METTL15: variants seen among roughly 807,000 people sequenced by gnomAD.
METTL15 encodes the protein 12S rRNA N(4)-cytidine methyltransferase METTL15.
METTL15 carries 34 observed loss-of-function variants against 38.3 expected under a neutral mutation model. The ratio of observed to expected loss-of-function variants is 0.89; its 90% CI spans 0.68 to 1.18. The LOEUF (loss-of-function observed/expected upper bound fraction) is 1.18, where lower values mean the gene tolerates loss of function less well. METTL15 is among the 50% of genes most tolerant of loss of function. METTL15 has a pLI of 0.00. For missense variants in METTL15, 438 were observed against 498.4 expected (o/e 0.88, Z 1.15); for synonymous variants, 162 against 170.9 (o/e 0.95, Z 0.41).
intron 6 of METTL15, among the ~76,000 whole-genome samples, chr11:28,427,836 G>C (rs796684290): frequency 1.3e-5 from 2 of 152,268 alleles, no homozygotes; most frequent in African/African-American, 4.8e-5. Flanking sequence ...CTTTTGGGCT[G>C]AGAGGATGGG....
intron 4 of METTL15, among the ~76,000 whole-genome samples, chr11:28,278,773 T>C (rs1855937503): frequency 6.6e-6 from 1 of 152,162 alleles, no homozygotes; most frequent in African/African-American, 2.4e-5. Flanking sequence ...TTTGTACATA[T>C]TTTGTTAATA....
intron 3 of METTL15, among the ~76,000 whole-genome samples, chr11:28,147,833 A>G (rs905674908): frequency 9.9e-5 from 15 of 151,906 alleles, no homozygotes; most frequent in African/African-American, 2.4e-5. Context: ...ATTTGATCAT[A>G]TATTTCCTCC....
chr11:28,369,011 G>A (rs1850217196), intron 5 of METTL15, among the ~76,000 whole-genome samples: 1 of 151,998 alleles, frequency 6.6e-6, no homozygotes, highest in African/African-American at 2.4e-5. Context: ...AGAGGGTGGG[G>A]AGCTAGGGGA....
chr11:28,500,888 C>T (rs1334830485), intron 6 of METTL15, among the ~76,000 whole-genome samples: 2 of 152,054 alleles, frequency 1.3e-5, no homozygotes, highest in Non-Finnish European at 2.9e-5. Flanking sequence ...CTCAGTAAGC[C>T]CAAGTGCTAT....
chr11:28,453,778 G>A (rs1027852739), intron 6 of METTL15, among the ~76,000 whole-genome samples: 3 of 152,134 alleles, frequency 2.0e-5, no homozygotes, highest in East Asian at 3.9e-4. Context: ...CACTATGTGC[G>A]AGTACTACAG....
intron 5 of METTL15, among the ~76,000 whole-genome samples, chr11:28,385,300 A>G (rs1173464194): frequency 4.6e-5 from 7 of 152,130 alleles, no homozygotes; most frequent in African/African-American, 9.7e-5. Flanking sequence ...TCCTTAATGC[A>G]TCTTGAGTTG....
intron 5 of METTL15, among the ~76,000 whole-genome samples, chr11:28,400,798 C>A (rs980545832): frequency 6.6e-6 from 1 of 151,892 alleles, no homozygotes; most frequent in African/African-American, 2.4e-5. Flanking sequence ...TTCCTAACCA[C>A]AACAATGTGT....
chr11:28,423,946 C>G (rs979844503), intron 5 of METTL15, among the ~76,000 whole-genome samples: 30 of 151,946 alleles, frequency 2.0e-4, no homozygotes, highest in Non-Finnish European at 3.8e-4. Flanking sequence ...ATGCTTATAT[C>G]AAAATATCCC....
chr11:28,325,647 T>G (rs1258877441), intron 6 of METTL15, among the ~76,000 whole-genome samples: 1 of 152,224 alleles, frequency 6.6e-6, no homozygotes, highest in African/African-American at 2.4e-5. Context: ...AAATCCTCTG[T>G]GAAGCTTTTC....
intron 4 of METTL15, among the ~76,000 whole-genome samples, chr11:28,226,966 G>C (rs927796255): frequency 1.3e-5 from 2 of 151,756 alleles, no homozygotes; most frequent in African/African-American, 4.8e-5. Flanking sequence ...TTGAACTATT[G>C]ATGATGATCT....
At chr11:28,192,650 T>C (rs981160163) in intron 3 of METTL15, among the ~76,000 whole-genome samples, 6 of 152,074 alleles carry the variant, frequency 3.9e-5, no homozygotes. Context: ...GTTGAAGCTA[T>C]CTGGAACTGG....
intron 6 of METTL15, among the ~76,000 whole-genome samples, chr11:28,459,771 T>C (rs1309515396): frequency 6.6e-6 from 1 of 152,204 alleles, no homozygotes; most frequent in African/African-American, 2.4e-5. Context: ...TTCTTCTTTT[T>C]CCCTTAAACA....
intron 4 of METTL15, among the ~76,000 whole-genome samples, chr11:28,229,790 A>G (rs1853618208): frequency 6.6e-6 from 1 of 152,068 alleles, no homozygotes; most frequent in South Asian, 2.1e-4. Context: ...GGACTGAGAC[A>G]GCGTGTCACA....
rs111578465 is a variant in METTL15, at chr11:28,244,041, T to C, written c.407+32843T>C. Reference sequence around the variant, plus strand: ...GGACAGCTAGCTCAAAACAGATGTTTTTTAAAGTTCAAAAATAGGCAACCT... The same window carrying C: ...GGACAGCTAGCTCAAAACAGATGTTCTTTAAAGTTCAAAAATAGGCAACCT... On this transcript the variant is annotated intron_variant, in intron 4 of 6. Transcript: ENST00000407364. Among the ~76,000 whole-genome samples the C allele has an allele frequency of 3.3e-5, 5 of 152,298 alleles. 1 individual carries two copies. Among genetic ancestry groups the C allele is most frequent in the African/African-American group, 1.2e-4 (5 of 41,572 alleles).
At position 28,328,108 on chromosome 11, in the gene METTL15, A is replaced by G. The variant is rs751014841; in HGVS notation, c.779-2288A>G. ...TCATATTCTTAGAATACTCTGAAAC[A>G]TATTTCCCAGTGGCCCAAACTCTTT... On this transcript the variant is annotated intron_variant, in intron 6 of 6. Transcript: ENST00000407364. 3.7e-6 allele frequency: 6 copies of G among 1,611,530 alleles called. No homozygotes were observed. The East Asian group carries it at 1.3e-4, about 36-fold the overall frequency.
chr11:28,237,974 AGAG>A (rs1211963581), intron 4 of METTL15, among the ~76,000 whole-genome samples: 1 of 152,034 alleles, frequency 6.6e-6, no homozygotes, highest in Non-Finnish European at 1.5e-5. Flanking sequence ...GTTTTTTCTC[AGAG>A]GAGTACCCGG....
chr11:28,291,539 A>G (rs575469175), intron 5 of METTL15, among the ~76,000 whole-genome samples: 2 of 152,106 alleles, frequency 1.3e-5, no homozygotes, highest in South Asian at 4.1e-4. Context: ...CTTTTTCCCT[A>G]TGTTGTGATA....
chr11:28,370,889 A>G (rs542131990), intron 5 of METTL15, among the ~76,000 whole-genome samples: 13 of 152,046 alleles, frequency 8.6e-5, no homozygotes, highest in African/African-American at 3.1e-4. Context: ...GCCCATTTTT[A>G]AATTAGATTA....
At chr11:28,117,924 G>C (rs952318696) in intron 3 of METTL15, among the ~76,000 whole-genome samples, 1 of 152,080 alleles carries the variant, frequency 6.6e-6, no homozygotes, top group African/African-American at 2.4e-5. Context: ...ACACTCACTT[G>C]CATCAGTCAC....
Sources: allele counts gnomAD v4.1 joint callset (sites outside exome capture counted in the v4.1 genomes callset), GRCh38; gene constraint gnomAD v4.1.1; transcripts MANE v1.5; gene names NCBI Gene and HGNC (gene_info 2026-07-23, HGNC 2026-07-21).